Variants in NOL4 observed in about 807,000 individuals in gnomAD.
NOL4 encodes the protein nucleolar protein 4.
A neutral mutation model predicts 75.9 loss-of-function variants in NOL4; 17 were observed. The ratio of observed to expected loss-of-function variants is 0.22; its 90% CI spans 0.15 to 0.34. The LOEUF (loss-of-function observed/expected upper bound fraction) is 0.34. NOL4 is among the 10% of genes least tolerant of loss of function. The pLI is 1.00. For synonymous variants in NOL4, 292 were observed against 289.9 expected (o/e 1.01, Z -0.07); for missense variants, 614 against 793.5 (o/e 0.77, Z 2.72).
chr18:33,949,187 C>T (rs1167510690), intron 8 of NOL4, among the ~76,000 whole-genome samples: 1 of 152,040 alleles, frequency 6.6e-6, no homozygotes, highest in African/African-American at 2.4e-5. Flanking sequence ...AATTCCAAAC[C>T]ATAGATAAGC....
At position 33,922,766 on chromosome 18, in the gene NOL4, C is replaced by T. The variant is rs8084302; in HGVS notation, c.1542+20299G>A. ...AAAGTTTAGTTTATATATTAACAAG[C>T]TAATTTTTTAATGTTTACACATTCC... On this transcript the variant is annotated intron_variant, in intron 9 of 10. Transcript: ENST00000261592. Among the ~76,000 whole-genome samples the T allele has an allele frequency of 5.4e-3, 817 of 152,208 alleles. 4 individuals are homozygous for T. Among genetic ancestry groups the T allele is most frequent in the African/African-American group, 0.019 (789 of 41,538 alleles).
At chr18:34,089,582 G>A (rs1338940401) in intron 5 of NOL4, among the ~76,000 whole-genome samples, 1 of 152,234 alleles carries the variant, frequency 6.6e-6, no homozygotes, top group Non-Finnish European at 1.5e-5. Flanking sequence ...ACAATGTGGA[G>A]AGCGACTATC....
Position 34,223,141 on chromosome 18 carries a change from T to G in NOL4, c.113A>C (p.Gln38Pro). 1 of 1,614,192 alleles carries G rather than the reference T, an allele frequency of 6.2e-7. No individual in the cohort carries two copies. The highest frequency in any genetic ancestry group is 2.2e-5 in the East Asian group (1 of 44,864). ...GCTCGACTCGGAGCCATTGAGGAGCTGGACGATCCGTTCGTATTTTTTACG... is the reference window on the plus strand; with the variant it reads ...GCTCGACTCGGAGCCATTGAGGAGCGGGACGATCCGTTCGTATTTTTTACG... ...VTRKKYERIVQLLNGSESSST... is the reference protein window; with the variant it reads ...VTRKKYERIVPLLNGSESSST... The change falls in exon 1 of 11, where the codon CAG becomes CCG. Residue 38 changes from glutamine (Q) to proline (P), a missense_variant. Transcript: ENST00000261592.
chr18:33,989,320 G>A (rs2072742055), intron 6 of NOL4, among the ~76,000 whole-genome samples: 1 of 151,850 alleles, frequency 6.6e-6, no homozygotes, highest in African/African-American at 2.4e-5. Context: ...TAAGTTGAAT[G>A]GTGGCATTTG....
intron 5 of NOL4, among the ~76,000 whole-genome samples, chr18:34,020,040 C>T (rs2074948901): frequency 6.6e-6 from 1 of 152,038 alleles, no homozygotes; most frequent in South Asian, 2.1e-4. Context: ...CTACATCTTC[C>T]ACCATGATTA....
intron 5 of NOL4, among the ~76,000 whole-genome samples, chr18:34,036,382 C>G (rs967560777): frequency 6.6e-6 from 1 of 151,860 alleles, no homozygotes; most frequent in South Asian, 2.1e-4. Flanking sequence ...ACAACAGATG[C>G]CGAAAAAGCA....
At chr18:34,079,930 C>A (rs1456903828) in intron 5 of NOL4, among the ~76,000 whole-genome samples, 1 of 152,210 alleles carries the variant, frequency 6.6e-6, no homozygotes, top group Non-Finnish European at 1.5e-5. Context: ...ATTGTTGTTT[C>A]TTTCTATACC....
chr18:34,083,238 G>A (rs868811347), intron 5 of NOL4, among the ~76,000 whole-genome samples: 2 of 152,146 alleles, frequency 1.3e-5, no homozygotes, highest in African/African-American at 4.8e-5. Context: ...GGCAATATTT[G>A]TGAGCTTTCA....
At position 33,957,321 on chromosome 18, in the gene NOL4, C is replaced by A; in HGVS notation, c.1428+5G>T. ...TCTAGGGCTGTGTTTTAATTCAAAACTCACCATCTCAAAACCACTTCTTTT... is the reference window on the plus strand; with the variant it reads ...TCTAGGGCTGTGTTTTAATTCAAAAATCACCATCTCAAAACCACTTCTTTT... On this transcript the variant is annotated splice_donor_5th_base_variant and intron_variant, in intron 8 of 10. Coordinates refer to ENST00000261592, the MANE Select transcript of NOL4 (RefSeq NM_003787.5). 1 of 1,607,906 alleles carries A rather than the reference C, an allele frequency of 6.2e-7. No homozygotes were observed. Among genetic ancestry groups the A allele is most frequent in the Non-Finnish European group, 8.5e-7 (1 of 1,176,588 alleles).
At chr18:34,193,675 G>A (rs1555754684) in intron 1 of NOL4, among the ~76,000 whole-genome samples, 3 of 152,000 alleles carry the variant, frequency 2.0e-5, no homozygotes, top group Non-Finnish European at 2.9e-5. Flanking sequence ...AAAATATGGA[G>A]GATCCTCAAA....
At chr18:33,947,365 G>T (rs1309173782) in intron 8 of NOL4, among the ~76,000 whole-genome samples, 1 of 151,638 alleles carries the variant, frequency 6.6e-6, no homozygotes, top group East Asian at 1.9e-4. Context: ...TATGGTCATA[G>T]ATTTCACCAG....
intron 9 of NOL4, among the ~76,000 whole-genome samples, chr18:33,893,891 T>G (rs1437691148): frequency 2.0e-5 from 3 of 152,100 alleles, no homozygotes; most frequent in Non-Finnish European, 2.9e-5. Context: ...CTAAGAATAT[T>G]ACCACTGTAA....
chr18:34,206,406 T>C (rs149525357), intron 1 of NOL4, among the ~76,000 whole-genome samples: 63 of 152,308 alleles, frequency 4.1e-4, no homozygotes, highest in African/African-American at 1.5e-3. Flanking sequence ...TATCTATTCA[T>C]ACTGAAGAAC....
rs114634004 is a variant in NOL4 at position 33,991,005 on chromosome 18, C to T, written c.1056+28313G>A. On this transcript the variant is annotated intron_variant, in intron 6 of 10. Transcript: ENST00000261592. ...TTACAAACTTTCAATATCTTATACC[C>T]GCTATGCCTGTTACCTGCCTTCATA... 2.0e-3 allele frequency among the ~76,000 whole-genome samples: 298 copies of T among 152,124 alleles called. 1 individual carries two copies. Among genetic ancestry groups the T allele is most frequent in the Middle Eastern group, 0.01 (3 of 294 alleles).
At chr18:33,977,172 C>G (rs2071558339) in intron 6 of NOL4, among the ~76,000 whole-genome samples, 1 of 152,034 alleles carries the variant, frequency 6.6e-6, no homozygotes, top group African/African-American at 2.4e-5. Flanking sequence ...CACAAAGATC[C>G]CATGAGGTAG....
intron 10 of NOL4, 83 bp from the exon 11 acceptor site, chr18:33,853,118 T>G (rs999784862): frequency 1.4e-5 from 16 of 1,143,970 alleles, no homozygotes; most frequent in Non-Finnish European, 1.8e-5. Context: ...AAATTATAGT[T>G]GAATGAATTA....
intron 5 of NOL4, among the ~76,000 whole-genome samples, chr18:34,039,839 G>C (rs577833890): frequency 2.6e-5 from 4 of 152,078 alleles, no homozygotes; most frequent in African/African-American, 9.6e-5. Context: ...ACATTCAGTT[G>C]AAAGAGCATT....
chr18:34,067,827 G>C (rs1275603510), intron 5 of NOL4, among the ~76,000 whole-genome samples: 1 of 151,966 alleles, frequency 6.6e-6, no homozygotes, highest in African/African-American at 2.4e-5. Context: ...TTTTGTGCCT[G>C]AATGGTACTG....
chr18:33,890,002 C>G (rs1182742284), intron 9 of NOL4, among the ~76,000 whole-genome samples: 2 of 152,152 alleles, frequency 1.3e-5, no homozygotes, highest in African/African-American at 4.8e-5. Flanking sequence ...TCTCTCACCA[C>G]TCCTATTCAA....
Sources: gnomAD v4.1 joint callset for allele counts (sites outside exome capture counted in the v4.1 genomes callset) on GRCh38, gnomAD v4.1.1 for gene constraint, MANE v1.5 for transcripts, NCBI Gene and HGNC (gene_info 2026-07-23, HGNC 2026-07-21) for gene names.